CALN1: variants seen among roughly 807,000 people sequenced by gnomAD.
CALN1 encodes the protein calneuron 1.
Under a neutral mutation model 30.6 loss-of-function variants are expected in CALN1, and 17 were observed. The ratio of observed to expected loss-of-function variants is 0.56; its 90% CI spans 0.38 to 0.83. The LOEUF is 0.83. Among genes scored for constraint, CALN1 ranks in the 40% least tolerant of loss-of-function variants. The probability of loss-of-function intolerance (pLI) is 0.00; values close to 1 mark genes in which losing one functional copy is unlikely to be tolerated. For synonymous variants in CALN1, 156 were observed against 131.4 expected (o/e 1.19, Z -1.28); for missense variants, 291 against 354.9 (o/e 0.82, Z 1.45).
intron 4 of CALN1, among the ~76,000 whole-genome samples, chr7:72,031,019 A>T (rs1396591113): frequency 6.6e-6 from 1 of 152,132 alleles, no homozygotes; most frequent in Non-Finnish European, 1.5e-5. Context: ...ATACTAATTC[A>T]TTTACATCTT....
At chr7:72,207,617 G>A (rs796965882) in intron 3 of CALN1, among the ~76,000 whole-genome samples, 27 of 138,950 alleles carry the variant, frequency 1.9e-4, no homozygotes, top group African/African-American at 7.0e-4. Context: ...CACCCATCCC[G>A]CTTACTTTCT....
rs1159164279 is a variant in CALN1, at chr7:71,915,077, A to G, written c.502-104585T>C. Among the ~76,000 whole-genome samples, 3 of 152,194 alleles carry G rather than the reference A, an allele frequency of 2.0e-5. No individual in the cohort carries two copies. In the East Asian group the frequency reaches 5.8e-4, roughly 29 times the overall value. Reference sequence around the variant, plus strand: ...GTGTTTTGTTTAAGGCAACATCACAAAGGGATTAGTCTCTCCACTGCCCTG... The same window carrying G: ...GTGTTTTGTTTAAGGCAACATCACAGAGGGATTAGTCTCTCCACTGCCCTG... On this transcript the variant is annotated intron_variant, in intron 5 of 6. Transcript: ENST00000395275.
At chr7:71,924,978 C>T (rs140377120) in intron 5 of CALN1, among the ~76,000 whole-genome samples, 9 of 152,274 alleles carry the variant, frequency 5.9e-5, no homozygotes, top group Non-Finnish European at 1.0e-4. Context: ...CAGTGGCTCA[C>T]GCCTTTAATC....
chr7:72,437,647 CTCTTTCTTTCTTT>C (rs1413407561), intron 1 of CALN1, among the ~76,000 whole-genome samples: 2 of 151,036 alleles, frequency 1.3e-5, no homozygotes, highest in Non-Finnish European at 2.9e-5. Context: ...TTCTCTTTCT[CTCTTTCTTTCTTT>C]TCTTTCTTTC....
chr7:71,902,479 A>G (rs946073204), intron 5 of CALN1, among the ~76,000 whole-genome samples: 1 of 152,176 alleles, frequency 6.6e-6, no homozygotes, highest in Admixed American at 6.5e-5. Flanking sequence ...AATGGAACAG[A>G]ATAGAGAACC....
At chr7:72,217,626 T>C (rs1792928867) in intron 3 of CALN1, among the ~76,000 whole-genome samples, 1 of 151,874 alleles carries the variant, frequency 6.6e-6, no homozygotes, top group Non-Finnish European at 1.5e-5. Flanking sequence ...AAGGACGATT[T>C]CACAGGCATC....
intron 3 of CALN1, among the ~76,000 whole-genome samples, chr7:72,210,766 A>G (rs980283483): frequency 7.2e-5 from 11 of 152,256 alleles, no homozygotes; most frequent in African/African-American, 2.6e-4. Context: ...TGGGGATTAC[A>G]ATGCAAGATG....
At chr7:72,219,046 C>T (rs117960814) in intron 3 of CALN1, among the ~76,000 whole-genome samples, 2,434 of 152,312 alleles carry the variant, frequency 0.016, 35 homozygotes, top group African/African-American at 0.032. Context: ...AATTACCCCA[C>T]TCTTGACTCT....
At chr7:72,372,533 A>G (rs1410646083) in intron 2 of CALN1, among the ~76,000 whole-genome samples, 3 of 152,202 alleles carry the variant, frequency 2.0e-5, no homozygotes, top group Admixed American at 6.5e-5. Context: ...GTTTATAAAT[A>G]TTTGGGCTCA....
At chr7:72,293,482 CCTTTT>C (rs1798632983) in intron 2 of CALN1, among the ~76,000 whole-genome samples, 1 of 152,156 alleles carries the variant, frequency 6.6e-6, no homozygotes, top group African/African-American at 2.4e-5. Flanking sequence ...CTTTTTCCCG[CCTTTT>C]CATTTCCTGC....
intron 4 of CALN1, among the ~76,000 whole-genome samples, chr7:72,074,648 T>C (rs1436404283): frequency 1.3e-5 from 2 of 152,278 alleles, no homozygotes; most frequent in African/African-American, 4.8e-5. Context: ...CCTCAGATGA[T>C]CCGCCCACCT....
chr7:72,155,098 G>C lies in CALN1; in HGVS notation c.245-48804C>G, dbSNP rs563484363. 9.9e-5 allele frequency among the ~76,000 whole-genome samples: 15 copies of C among 152,072 alleles called. No individual in the cohort carries two copies. In the South Asian group the frequency reaches 2.9e-3, roughly 30 times the overall value. ...ATTAATTAATTTTTAAAAAGAAAAG[G>C]AAGAAACACCAGGGATCTCACTTTC... On this transcript the variant is annotated intron_variant, in intron 3 of 6. Coordinates refer to ENST00000395275, the MANE Select transcript of CALN1 (RefSeq NM_031468.4).
At chr7:72,403,529 T>TCC (rs1396460362) in intron 1 of CALN1, 87 bp from the exon 2 acceptor site, 1 of 544,390 alleles carries the variant, frequency 1.8e-6, no homozygotes, top group Non-Finnish European at 3.2e-6. Context: ...ATTCACACCC[T>TCC]CCCTTCCGTG....
intron 2 of CALN1, among the ~76,000 whole-genome samples, chr7:72,351,633 TATCAC>T (rs1802928288): frequency 2.0e-5 from 3 of 152,180 alleles, no homozygotes; most frequent in Non-Finnish European, 2.9e-5. Context: ...TATCATTTGA[TATCAC>T]ACTGTTATAT....
intron 4 of CALN1, among the ~76,000 whole-genome samples, chr7:72,083,902 T>C (rs943261650): frequency 2.0e-5 from 3 of 150,060 alleles, no homozygotes; most frequent in African/African-American, 7.4e-5. Context: ...AGACAGTCAA[T>C]GGGAAAGACA....
chr7:72,374,951 A>G (rs747318590), intron 2 of CALN1, among the ~76,000 whole-genome samples: 3 of 152,200 alleles, frequency 2.0e-5, no homozygotes, highest in Non-Finnish European at 4.4e-5. Context: ...TTACATATAA[A>G]TATGGATCTA....
intron 5 of CALN1, among the ~76,000 whole-genome samples, chr7:71,875,208 C>T (rs1792175546): frequency 1.4e-5 from 2 of 143,646 alleles, no homozygotes; most frequent in Non-Finnish European, 3.0e-5. Flanking sequence ...GATGAGCTCT[C>T]TAGTGAATGG....
upstream of CALN1, among the ~76,000 whole-genome samples, chr7:72,449,571 C>T (rs1240488729): frequency 6.6e-6 from 1 of 151,920 alleles, no homozygotes; most frequent in Non-Finnish European, 1.5e-5. Flanking sequence ...AAATCTTTGT[C>T]AGCAAAGAAT....
chr7:72,052,150 T>C (rs1281201184), intron 4 of CALN1, among the ~76,000 whole-genome samples: 4 of 152,192 alleles, frequency 2.6e-5, no homozygotes, highest in African/African-American at 9.7e-5. Flanking sequence ...ATCGTAATTC[T>C]GGGAATTTAC....
Sources: allele counts gnomAD v4.1 joint callset (sites outside exome capture counted in the v4.1 genomes callset), GRCh38; gene constraint gnomAD v4.1.1; transcripts MANE v1.5; gene names NCBI Gene and HGNC (gene_info 2026-07-23, HGNC 2026-07-21).